The following CTNND2 variants were observed in gnomAD, a reference collection of about 807,000 sequenced individuals.
The protein encoded by CTNND2 is catenin delta 2.
CTNND2 carries 22 observed loss-of-function variants against 144.4 expected under a neutral mutation model. That is an observed-to-expected ratio of 0.15 (90% confidence interval 0.11 to 0.22). The LOEUF is 0.22. Among genes scored for constraint, CTNND2 ranks in the 10% least tolerant of loss-of-function variants. The pLI is 1.00. For synonymous variants in CTNND2, 751 were observed against 695.6 expected (o/e 1.08, Z -1.25); for missense variants, 1,353 against 1,618.8 (o/e 0.84, Z 2.82).
chr5:11,641,334 C>T (rs905144405), intron 2 of CTNND2, among the ~76,000 whole-genome samples: 1 of 151,938 alleles, frequency 6.6e-6, no homozygotes, highest in South Asian at 2.1e-4. Flanking sequence ...ATCCCAGGAA[C>T]CGGATAAACC....
chr5:11,130,330 A>G (rs568141030), intron 12 of CTNND2, among the ~76,000 whole-genome samples: 4 of 152,296 alleles, frequency 2.6e-5, no homozygotes, highest in East Asian at 3.9e-4. Context: ...TGACGATTAA[A>G]CACTGCACCG....
At chr5:11,086,895 T>C (rs1412452089) in intron 15 of CTNND2, among the ~76,000 whole-genome samples, 2 of 152,232 alleles carry the variant, frequency 1.3e-5, no homozygotes, top group African/African-American at 4.8e-5. Context: ...TTTTCCTCAT[T>C]GAAATCCTAA....
chr5:11,055,269 G>T (rs1409999052), intron 16 of CTNND2, among the ~76,000 whole-genome samples: 1 of 152,220 alleles, frequency 6.6e-6, no homozygotes, highest in East Asian at 1.9e-4. Context: ...CTTAAAAGAA[G>T]CCTTTTCTGA....
chr5:11,205,789 C>T (rs1484525001), intron 10 of CTNND2, among the ~76,000 whole-genome samples: 1 of 152,162 alleles, frequency 6.6e-6, no homozygotes, highest in Non-Finnish European at 1.5e-5. Context: ...AAATGGCCTG[C>T]GTTCTCCATT....
At chr5:11,450,855 G>A (rs1351639434) in intron 3 of CTNND2, among the ~76,000 whole-genome samples, 5 of 131,900 alleles carry the variant, frequency 3.8e-5, no homozygotes, top group African/African-American at 1.1e-4. Context: ...CCGAGATTGC[G>A]CCATTGCACT....
intron 16 of CTNND2, among the ~76,000 whole-genome samples, chr5:11,046,885 G>T (rs1745320462): frequency 6.6e-6 from 1 of 152,090 alleles, no homozygotes; most frequent in Non-Finnish European, 1.5e-5. Context: ...AAGCTCCCTG[G>T]AGTTAACAAA....
intron 10 of CTNND2, among the ~76,000 whole-genome samples, chr5:11,205,484 A>C (rs1231245220): frequency 6.6e-6 from 1 of 152,124 alleles, no homozygotes; most frequent in East Asian, 1.9e-4. Flanking sequence ...AATTCCAATA[A>C]TTTTCTCTGC....
chr5:11,162,306 G>A (rs1276069683), intron 11 of CTNND2, among the ~76,000 whole-genome samples: 2 of 152,048 alleles, frequency 1.3e-5, no homozygotes, highest in Non-Finnish European at 2.9e-5. Context: ...GGGAAAGGGA[G>A]GAAGGAAATC....
chr5:11,747,736 G>A (rs140125912), intron 1 of CTNND2, among the ~76,000 whole-genome samples: 322 of 152,022 alleles, frequency 2.1e-3, no homozygotes, highest in African/African-American at 7.0e-3. Context: ...AACAAAAAAC[G>A]TGCTTAAGCC....
chr5:11,271,300 T>C (rs1745985226), intron 9 of CTNND2, among the ~76,000 whole-genome samples: 1 of 152,170 alleles, frequency 6.6e-6, no homozygotes, highest in African/African-American at 2.4e-5. Context: ...CATATGTGCA[T>C]TTATAAATTA....
Position 11,101,887 on chromosome 5 carries a change from ATGTGTGTGTG to A in CTNND2, c.2464-3149_2464-3140del, listed in dbSNP as rs201704440. 1.0e-3 allele frequency among the ~76,000 whole-genome samples: 147 copies of A among 145,286 alleles called. 1 individual carries two copies. The highest frequency in any genetic ancestry group is 3.4e-3 in the Middle Eastern group (1 of 290). ...TATGTTATCTGCATGACGACCACAT[ATGTGTGTGTG>A]TGTGTGTGTGTGTGTGTGTGTGTGT... is the stretch of plus-strand genomic sequence containing the variant. On this transcript the variant is annotated intron_variant, in intron 14 of 21. Coordinates refer to ENST00000304623, the MANE Select transcript of CTNND2 (RefSeq NM_001332.4).
chr5:11,150,607 C>G (rs1757665250), intron 12 of CTNND2, among the ~76,000 whole-genome samples: 1 of 143,064 alleles, frequency 7.0e-6, no homozygotes. Flanking sequence ...GGCCTCTGAA[C>G]TGCTGCCTTC....
chr5:11,889,069 A>G (rs970404979), intron 1 of CTNND2, among the ~76,000 whole-genome samples: 5 of 152,166 alleles, frequency 3.3e-5, no homozygotes, highest in African/African-American at 9.7e-5. Flanking sequence ...ACTCTTAAAT[A>G]GAAACCTTTT....
intron 9 of CTNND2, among the ~76,000 whole-genome samples, chr5:11,283,910 T>A (rs548954096): frequency 1.3e-5 from 2 of 152,314 alleles, no homozygotes; most frequent in South Asian, 2.1e-4. Flanking sequence ...ACCTTGTGGT[T>A]CTGTTCACGT....
intron 2 of CTNND2, among the ~76,000 whole-genome samples, chr5:11,641,701 CATATACGTGTGTGT>C: frequency 7.9e-6 from 1 of 126,226 alleles, no homozygotes; most frequent in African/African-American, 3.3e-5. Flanking sequence ...TGTGTATATA[CATATACGTGTGTGT>C]ATACATATAC....
chr5:11,824,312 A>C (rs2126948096), intron 1 of CTNND2, among the ~76,000 whole-genome samples: 1 of 152,306 alleles, frequency 6.6e-6, no homozygotes, highest in Non-Finnish European at 1.5e-5. Context: ...AGTGTAAAAC[A>C]CAACCCTCTT....
At chr5:11,503,980 T>C (rs1420496664) in intron 3 of CTNND2, among the ~76,000 whole-genome samples, 3 of 152,250 alleles carry the variant, frequency 2.0e-5, no homozygotes, top group Non-Finnish European at 4.4e-5. Flanking sequence ...ATGAAATATA[T>C]TAAATCAGCA....
intron 21 of CTNND2, among the ~76,000 whole-genome samples, chr5:10,978,536 A>G (rs1283637733): frequency 6.6e-6 from 1 of 152,156 alleles, no homozygotes; most frequent in Non-Finnish European, 1.5e-5. Flanking sequence ...ACGTTTAAAA[A>G]TGGATGTTAG....
intron 5 of CTNND2, among the ~76,000 whole-genome samples, chr5:11,401,506 C>G (rs1272746649): frequency 6.6e-6 from 1 of 152,186 alleles, no homozygotes; most frequent in Non-Finnish European, 1.5e-5. Context: ...GACTGGACAT[C>G]CACAGACCTG....
Sources: gnomAD v4.1 joint callset for allele counts (sites outside exome capture counted in the v4.1 genomes callset) on GRCh38, gnomAD v4.1.1 for gene constraint, MANE v1.5 for transcripts, NCBI Gene and HGNC (gene_info 2026-07-23, HGNC 2026-07-21) for gene names.